The following RORB variants were observed in gnomAD, a reference collection of about 807,000 sequenced individuals.
The protein encoded by RORB is nuclear receptor ROR-beta.
Under a neutral mutation model 59.1 loss-of-function variants are expected in RORB, and 6 were observed. The ratio of observed to expected loss-of-function variants is 0.10; its 90% CI spans 0.06 to 0.20. The LOEUF (loss-of-function observed/expected upper bound fraction) is 0.20, where lower values mean the gene tolerates loss of function less well. Ranked by LOEUF, RORB falls within the 10% of genes least tolerant of loss-of-function variation. The pLI, the probability that RORB is intolerant of heterozygous loss-of-function variation, is 1.00. For synonymous variants in RORB, 215 were observed against 204.5 expected (o/e 1.05, Z -0.44); for missense variants, 320 against 560.5 (o/e 0.57, Z 4.33).
At chr9:74,512,863 A>T (rs2118044728) in intron 1 of RORB, among the ~76,000 whole-genome samples, 1 of 152,290 alleles carries the variant, frequency 6.6e-6, no homozygotes, top group Non-Finnish European at 1.5e-5. Context: ...CACTCATTTC[A>T]AATATTATTA....
intron 1 of RORB, among the ~76,000 whole-genome samples, chr9:74,560,723 T>C (rs974449719): frequency 1.3e-5 from 2 of 151,904 alleles, no homozygotes; most frequent in Non-Finnish European, 2.9e-5. Flanking sequence ...AACCTAAACC[T>C]ATTTCAGTAT....
intron 1 of RORB, among the ~76,000 whole-genome samples, chr9:74,575,383 G>A (rs1293787666): frequency 1.3e-5 from 2 of 152,082 alleles, no homozygotes; most frequent in African/African-American, 2.4e-5. Flanking sequence ...CACCCAAGTC[G>A]ATTGTTTATT....
Position 74,630,188 on chromosome 9 carries a change from A to G in RORB, c.8-94A>G, listed in dbSNP as rs1324818094. On this transcript the variant is annotated intron_variant, in intron 1 of 9. Transcript: ENST00000376896. ...CACACCCCAGTATTTTCAAATACAAACATCAAGGCAGAGATAGATGGGGAG... is the reference window on the plus strand; with the variant it reads ...CACACCCCAGTATTTTCAAATACAAGCATCAAGGCAGAGATAGATGGGGAG... 26 of 1,483,808 alleles carry G rather than the reference A, an allele frequency of 1.8e-5. No homozygotes were observed. The East Asian group carries it at 5.7e-4, about 33-fold the overall frequency. 91.9% of individuals were successfully genotyped at this position (1,483,808 alleles called of 1,614,324 possible). A position where few individuals can be genotyped will look rare whatever the true frequency, so the allele number is the denominator to read the frequency against.
chr9:74,687,750 T>C lies in RORB; in HGVS notation c.*2132T>C, dbSNP rs1344267321. ...TTCCCAGAGTCATATTTCCTTCTAA[T>C]GGAAAGATTACTCTACTGATTGCTA... On this transcript the variant is annotated 3_prime_UTR_variant, in exon 10 of 10. Coordinates refer to ENST00000376896, the MANE Select transcript of RORB (RefSeq NM_006914.4). 14 of 152,162 alleles carry C rather than the reference T, an allele frequency of 9.2e-5. No homozygotes were observed. The highest frequency in any genetic ancestry group is 1.6e-4 in the Non-Finnish European group (11 of 68,034). 9.4% of individuals were successfully genotyped at this position (152,162 alleles called of 1,614,324 possible). A position where few individuals can be genotyped will look rare whatever the true frequency, so the allele number is the denominator to read the frequency against.
At chr9:74,596,003 G>T (rs903665988) in intron 1 of RORB, among the ~76,000 whole-genome samples, 2 of 152,242 alleles carry the variant, frequency 1.3e-5, no homozygotes, top group African/African-American at 4.8e-5. Context: ...TGTGTCCAGG[G>T]AAACTCAGAG....
chr9:74,619,840 C>A (rs1823380511), intron 1 of RORB, among the ~76,000 whole-genome samples: 1 of 152,142 alleles, frequency 6.6e-6, no homozygotes, highest in Admixed American at 6.5e-5. Flanking sequence ...TGCTGGATTA[C>A]ACTTATTGAT....
At chr9:74,521,848 G>T (rs908018957) in intron 1 of RORB, among the ~76,000 whole-genome samples, 1 of 151,780 alleles carries the variant, frequency 6.6e-6, no homozygotes, top group Non-Finnish European at 1.5e-5. Flanking sequence ...TAGTATGAAA[G>T]TATGGTTAGC....
At chr9:74,573,154 T>G (rs1336712506) in intron 1 of RORB, among the ~76,000 whole-genome samples, 7 of 152,176 alleles carry the variant, frequency 4.6e-5, no homozygotes, top group Non-Finnish European at 4.4e-5. Context: ...TTCCACATCT[T>G]AACTCCATGG....
At chr9:74,673,106 T>G (rs1184476783) in intron 9 of RORB, among the ~76,000 whole-genome samples, 1 of 152,210 alleles carries the variant, frequency 6.6e-6, no homozygotes, top group East Asian at 1.9e-4. Flanking sequence ...ACTTTTCATT[T>G]ATTAGGTGGT....
At position 74,512,723 on chromosome 9, in the gene RORB, G is replaced by A. The variant is rs569197405; in HGVS notation, c.7+14740G>A. Among the ~76,000 whole-genome samples the A allele has an allele frequency of 9.2e-5, 14 of 152,152 alleles. No homozygotes were observed. In the East Asian group the frequency reaches 2.5e-3, roughly 27 times the overall value. ...AATGTTGCCCTAGGACTATATGAAGGTTTTCCGAATAGAATCACTTTAGGA... is the reference window on the plus strand; with the variant it reads ...AATGTTGCCCTAGGACTATATGAAGATTTTCCGAATAGAATCACTTTAGGA... On this transcript the variant is annotated intron_variant, in intron 1 of 9. Transcript: ENST00000376896.
intron 5 of RORB, among the ~76,000 whole-genome samples, chr9:74,662,215 CCTTA>C (rs1184793409): frequency 2.6e-5 from 4 of 152,064 alleles, no homozygotes; most frequent in East Asian, 1.9e-4. Flanking sequence ...ACAAAGCTAT[CCTTA>C]CTTACTATAA....
chr9:74,507,694 C>G (rs771200665), intron 1 of RORB, among the ~76,000 whole-genome samples: 3 of 152,022 alleles, frequency 2.0e-5, no homozygotes, highest in Non-Finnish European at 4.4e-5. Context: ...CTTAGACATA[C>G]TGAGTTTCTA....
intron 1 of RORB, among the ~76,000 whole-genome samples, chr9:74,625,780 A>T (rs935105065): frequency 6.6e-6 from 1 of 152,202 alleles, no homozygotes; most frequent in Non-Finnish European, 1.5e-5. Flanking sequence ...TCTTCAATGG[A>T]TTTAAAATGC....
In RORB at chr9:74,685,747, T is replaced by G; in HGVS notation, c.*129T>G. ...GAATGTCCTGCACTTAATAGAATTA[T>G]TTTTCACCGCTACAGTTTGAAGAAT... is the stretch of plus-strand genomic sequence containing the variant. On this transcript the variant is annotated 3_prime_UTR_variant, in exon 10 of 10. Transcript: ENST00000376896. The G allele has an allele frequency of 3.4e-6, 2 of 590,578 alleles. No homozygotes were observed. Among genetic ancestry groups the G allele is most frequent in the Non-Finnish European group, 5.3e-6 (2 of 377,482 alleles). The allele number at this position is 590,578 out of a possible 1,614,324, so 36.6% of individuals were successfully genotyped here. A position where few individuals can be genotyped will look rare whatever the true frequency, so the allele number is the denominator to read the frequency against.
chr9:74,499,745 A>C (rs1488111502), intron 1 of RORB, among the ~76,000 whole-genome samples: 1 of 152,006 alleles, frequency 6.6e-6, no homozygotes, highest in Admixed American at 6.5e-5. Context: ...CATCCCATCC[A>C]TTCTTTCGGT....
chr9:74,521,988 C>T (rs181654471), intron 1 of RORB, among the ~76,000 whole-genome samples: 63 of 151,804 alleles, frequency 4.2e-4, no homozygotes, highest in African/African-American at 1.4e-3. Flanking sequence ...TGCAACAGGC[C>T]TTGGTTCTGT....
intron 1 of RORB, among the ~76,000 whole-genome samples, chr9:74,628,584 A>T (rs191798617): frequency 6.6e-6 from 1 of 152,230 alleles, no homozygotes; most frequent in African/African-American, 2.4e-5. Context: ...TAAAAATTCA[A>T]TGTACTGCCC....
chr9:74,671,596 C>T (rs886366288), intron 8 of RORB, among the ~76,000 whole-genome samples, 193 bp from the exon 9 acceptor site: 2 of 152,180 alleles, frequency 1.3e-5, no homozygotes, highest in Non-Finnish European at 2.9e-5. Context: ...TTTCCTGCAT[C>T]ATAATATTGC....
chr9:74,589,092 G>C (rs140669220), intron 1 of RORB, among the ~76,000 whole-genome samples: 1 of 152,150 alleles, frequency 6.6e-6, no homozygotes, highest in East Asian at 1.9e-4. Context: ...TCCAATTACA[G>C]AGCACCTCAG....
Sources: gnomAD v4.1 joint callset for allele counts (sites outside exome capture counted in the v4.1 genomes callset) on GRCh38, gnomAD v4.1.1 for gene constraint, MANE v1.5 for transcripts, NCBI Gene and HGNC (gene_info 2026-07-23, HGNC 2026-07-21) for gene names.